The following PCDH9 variants were observed in gnomAD, a reference collection of about 807,000 sequenced individuals.
The protein encoded by PCDH9 is protocadherin-9.
A neutral mutation model predicts 70.6 loss-of-function variants in PCDH9; 24 were observed. That is an observed-to-expected ratio of 0.34 (90% confidence interval 0.25 to 0.48). PCDH9 has a LOEUF of 0.48. Ranked by LOEUF, PCDH9 falls within the 20% of genes least tolerant of loss-of-function variation. The probability of loss-of-function intolerance (pLI) is 0.99; values close to 1 mark genes in which losing one functional copy is unlikely to be tolerated. For synonymous variants in PCDH9, 562 were observed against 558.5 expected, an observed-to-expected ratio of 1.01 and a Z score of -0.09; for missense variants, 1,281 against 1,503.6, an observed-to-expected ratio of 0.85 and a Z score of 2.45.
intron 4 of PCDH9, among the ~76,000 whole-genome samples, chr13:66,540,493 C>A (rs1036571830): frequency 5.9e-5 from 9 of 152,086 alleles, no homozygotes; most frequent in African/African-American, 2.2e-4. Flanking sequence ...TACATAGCAA[C>A]TAAATTTTAA....
rs148564598 is a variant in PCDH9 at position 66,956,716 on chromosome 13, C to T, written c.3037-53111G>A. On this transcript the variant is annotated intron_variant, in intron 2 of 4. Coordinates refer to ENST00000377865, the MANE Select transcript of PCDH9 (RefSeq NM_203487.3). ...AGTGAGCTGAGATGGCACCACTGCA[C>T]TCCAGGCTGGGCAGCAGAGTGAGAA... Among the ~76,000 whole-genome samples, 19 of 152,300 alleles carry T rather than the reference C, an allele frequency of 1.2e-4. No homozygotes were observed. In the East Asian group the frequency reaches 3.1e-3, roughly 25 times the overall value.
chr13:66,305,646 A>G (rs906024790), intron 4 of PCDH9, among the ~76,000 whole-genome samples: 2 of 152,140 alleles, frequency 1.3e-5, no homozygotes, highest in Non-Finnish European at 2.9e-5. Context: ...TAACTATTGT[A>G]TCTTACTAAC....
chr13:66,707,256 T>C (rs977360985), intron 3 of PCDH9, among the ~76,000 whole-genome samples: 1 of 152,222 alleles, frequency 6.6e-6, no homozygotes, highest in African/African-American at 2.4e-5. Context: ...TTTTAATTTT[T>C]TGTCGTTTTG....
chr13:66,507,461 A>T (rs1256897128), intron 4 of PCDH9, among the ~76,000 whole-genome samples: 1 of 152,090 alleles, frequency 6.6e-6, no homozygotes, highest in Non-Finnish European at 1.5e-5. Flanking sequence ...TTTCTGGCCT[A>T]TCCCATTTAT....
intron 2 of PCDH9, among the ~76,000 whole-genome samples, chr13:67,189,389 T>C (rs1594633282): frequency 6.6e-6 from 1 of 152,242 alleles, no homozygotes; most frequent in Middle Eastern, 3.4e-3. Context: ...ACTGTAGTAC[T>C]GTCCATTAAA....
intron 2 of PCDH9, among the ~76,000 whole-genome samples, chr13:67,182,991 T>G (rs918819887): frequency 6.6e-6 from 1 of 152,194 alleles, no homozygotes; most frequent in Non-Finnish European, 1.5e-5. Context: ...TGCAATTTTC[T>G]TAGCTAGGTG....
chr13:66,561,034 C>T (rs375941493), intron 4 of PCDH9, among the ~76,000 whole-genome samples: 76 of 152,206 alleles, frequency 5.0e-4, no homozygotes, highest in African/African-American at 1.7e-3. Flanking sequence ...AGGCCGGAGC[C>T]GGCTGCCTCA....
At chr13:66,773,599 C>T (rs2079844251) in intron 3 of PCDH9, among the ~76,000 whole-genome samples, 1 of 150,522 alleles carries the variant, frequency 6.6e-6, no homozygotes, top group African/African-American at 2.4e-5. Flanking sequence ...TACTGCACTC[C>T]AGCCTGGGCG....
At chr13:66,793,714 G>A (rs2080196810) in intron 3 of PCDH9, among the ~76,000 whole-genome samples, 1 of 152,090 alleles carries the variant, frequency 6.6e-6, no homozygotes, top group African/African-American at 2.4e-5. Flanking sequence ...GCATTGACTA[G>A]TAGAACCTAT....
chr13:67,155,902 C>A (rs2087798561), intron 2 of PCDH9, among the ~76,000 whole-genome samples: 1 of 152,116 alleles, frequency 6.6e-6, no homozygotes, highest in Non-Finnish European at 1.5e-5. Flanking sequence ...AAAATCTATG[C>A]CTGCTACAGC....
At chr13:67,057,400 GTTAC>G (rs2085444045) in intron 2 of PCDH9, among the ~76,000 whole-genome samples, 1 of 151,994 alleles carries the variant, frequency 6.6e-6, no homozygotes, top group Non-Finnish European at 1.5e-5. Context: ...CACTGGCATG[GTTAC>G]TTAGTGAGTG....
At chr13:67,085,938 T>C (rs2086098718) in intron 2 of PCDH9, among the ~76,000 whole-genome samples, 1 of 152,128 alleles carries the variant, frequency 6.6e-6, no homozygotes, top group Non-Finnish European at 1.5e-5. Context: ...AAAACAAAAA[T>C]TATTGATCCA....
At position 66,550,841 on chromosome 13, in the gene PCDH9, A is replaced by C. The variant is rs1961452585; in HGVS notation, c.3340+80369T>G. Among the ~76,000 whole-genome samples the C allele has an allele frequency of 2.0e-5, 3 of 152,148 alleles. No individual in the cohort carries two copies. The South Asian group carries it at 6.2e-4, about 32-fold the overall frequency. The stretch of plus-strand genomic sequence containing the variant: ...ACGAACACTCATTCTTTACCTTTTA[A>C]GTGATTCATGAACACGCTAGAGAGA... On this transcript the variant is annotated intron_variant, in intron 4 of 4. Transcript: ENST00000377865.
chr13:66,445,188 C>G (rs1241945491), intron 4 of PCDH9, among the ~76,000 whole-genome samples: 1 of 145,662 alleles, frequency 6.9e-6, no homozygotes, highest in African/African-American at 2.5e-5. Context: ...TATAAAATCA[C>G]CATGTAGTAC....
intron 3 of PCDH9, among the ~76,000 whole-genome samples, chr13:66,836,258 G>C (rs966686956): frequency 6.6e-6 from 1 of 152,070 alleles, no homozygotes; most frequent in African/African-American, 2.4e-5. Context: ...AATCTGACAT[G>C]AGACCTCTCC....
Position 66,339,723 on chromosome 13 carries a change from T to C in PCDH9, c.3341-34695A>G, listed in dbSNP as rs141593919. 2.3e-3 allele frequency among the ~76,000 whole-genome samples: 344 copies of C among 152,280 alleles called. 1 individual carries two copies. Among genetic ancestry groups the C allele is most frequent in the Middle Eastern group, 3.4e-3 (1 of 294 alleles). ...TTTTTAATTTTAATCTTTTTGAACA[T>C]GCATTTGTGGTTCAGTCAAATAGCA... On this transcript the variant is annotated intron_variant, in intron 4 of 4. Coordinates refer to ENST00000377865, the MANE Select transcript of PCDH9 (RefSeq NM_203487.3).
intron 4 of PCDH9, among the ~76,000 whole-genome samples, chr13:66,624,803 A>G (rs1218721689): frequency 1.3e-5 from 2 of 152,240 alleles, no homozygotes; most frequent in Non-Finnish European, 2.9e-5. Context: ...ACTTGTGTAC[A>G]GTGTATAGTA....
chr13:66,650,576 G>GA lies in PCDH9; in HGVS notation c.3139-19166dup, dbSNP rs1300103854. ...CAACATTGAAAAGATCAACCAGACA[G>GA]AAAATCAACAAAGAGTAAGGGGACG... is the stretch of plus-strand genomic sequence containing the variant. On this transcript the variant is annotated intron_variant, in intron 3 of 4. Transcript: ENST00000377865. Among the ~76,000 whole-genome samples the GA allele has an allele frequency of 3.3e-5, 5 of 152,024 alleles. No homozygotes were observed. In the South Asian group the frequency reaches 8.3e-4, roughly 25 times the overall value.
At chr13:66,733,778 T>C (rs2079107789) in intron 3 of PCDH9, among the ~76,000 whole-genome samples, 1 of 151,748 alleles carries the variant, frequency 6.6e-6, no homozygotes, top group African/African-American at 2.4e-5. Context: ...CTTTGAAAAA[T>C]GTCACCAAAA....
Sources: gnomAD v4.1 joint callset for allele counts (sites outside exome capture counted in the v4.1 genomes callset) on GRCh38, gnomAD v4.1.1 for gene constraint, MANE v1.5 for transcripts, NCBI Gene and HGNC (gene_info 2026-07-23, HGNC 2026-07-21) for gene names.